Variants in CLEC4C observed in about 807,000 individuals in gnomAD.
CLEC4C encodes C-type (calcium dependent, carbohydrate-recognition domain) lectin, superfamily member 11.
A neutral mutation model predicts 27.7 loss-of-function variants in CLEC4C; 17 were observed. That is an observed-to-expected ratio of 0.61 (90% CI 0.42 to 0.92). CLEC4C has a LOEUF of 0.92. Ranked by LOEUF, CLEC4C falls within the 40% of genes least tolerant of loss-of-function variation. CLEC4C has a pLI of 0.00. For missense variants in CLEC4C, 244 were observed against 257.3 expected (o/e 0.95, Z 0.35); for synonymous variants, 80 against 80.8 (o/e 0.99, Z 0.06).
intron 4 of CLEC4C, among the ~76,000 whole-genome samples, chr12:7,736,849 G>C (rs1227039172): frequency 2.0e-5 from 3 of 152,034 alleles, no homozygotes; most frequent in African/African-American, 7.2e-5. Flanking sequence ...CTTGCAGTGA[G>C]CTGAGATTGT....
rs956662349 is a variant in CLEC4C, at chr12:7,740,985, C to T, written c.235+436G>A. ...CCTCCCGAGTAGCTGGGACTACAGG[C>T]GCCTGCCACTGCACCCAGCTAATTT... On this transcript the variant is annotated intron_variant, in intron 3 of 5. Transcript: ENST00000360345. Among the ~76,000 whole-genome samples the T allele has an allele frequency of 4.0e-5, 6 of 151,644 alleles. 1 individual carries two copies. The highest frequency in any genetic ancestry group is 2.1e-4 in the South Asian group (1 of 4,802).
chr12:7,734,936 C>A (rs1400609587), intron 4 of CLEC4C, among the ~76,000 whole-genome samples: 1 of 152,080 alleles, frequency 6.6e-6, no homozygotes, highest in Non-Finnish European at 1.5e-5. Flanking sequence ...CATGGTGTCT[C>A]AGGCCTATAA....
intron 3 of CLEC4C, among the ~76,000 whole-genome samples, chr12:7,738,841 A>C (rs1864786986): frequency 6.6e-6 from 1 of 152,020 alleles, no homozygotes; most frequent in South Asian, 2.1e-4. Flanking sequence ...TTATACTTTA[A>C]GTTCTAGGGT....
chr12:7,737,000 GCAGGTGGATCATTTGAGGT>G (rs1212782801), intron 4 of CLEC4C, among the ~76,000 whole-genome samples: 4 of 152,280 alleles, frequency 2.6e-5, no homozygotes, highest in African/African-American at 9.6e-5. Flanking sequence ...AGAGGCCGAG[GCAGGTGGATCATTTGAGGT>G]CAGTAGTTCA....
In CLEC4C at chr12:7,730,875, T is replaced by G. The variant is rs1864581463; in HGVS notation, c.419A>C (p.Tyr140Ser). ...IIQNLKRNSS[Y>S]FLGLSDPGGR... is the part of the protein sequence containing the mutation. ...CCCTGGATCTGACAGCCCCAGAAAA[T>G]AAGAAGAATTTCTTTTCAGATTCTG... The change falls in exon 5 of 6, where the codon TAT (tyrosine) becomes TCT (serine). Residue 140 changes from tyrosine to serine, a missense_variant. Transcript: ENST00000360345. The G allele has an allele frequency of 1.9e-6, 3 of 1,607,454 alleles. No individual in the cohort carries two copies. The highest frequency in any genetic ancestry group is 2.2e-5 in the East Asian group (1 of 44,778).
At chr12:7,730,191 G>A (rs765683648) in intron 5 of CLEC4C, among the ~76,000 whole-genome samples, 1 of 152,058 alleles carries the variant, frequency 6.6e-6, no homozygotes, top group Non-Finnish European at 1.5e-5. Flanking sequence ...CTGCTACTTA[G>A]TCTCTGTTAT....
chr12:7,738,358 T>G (rs968780649), intron 3 of CLEC4C, among the ~76,000 whole-genome samples: 13 of 152,300 alleles, frequency 8.5e-5, no homozygotes, highest in Non-Finnish European at 1.0e-4. Flanking sequence ...CTGAAAAATA[T>G]CCATCTCTCC....
At chr12:7,732,123 G>A (rs746245974) in intron 4 of CLEC4C, among the ~76,000 whole-genome samples, 1 of 149,802 alleles carries the variant, frequency 6.7e-6, no homozygotes, top group Non-Finnish European at 1.5e-5. Context: ...TCTGCCTCCC[G>A]GGTTCAAGTG....
chr12:7,744,036 C>T (rs1864919692), intron 2 of CLEC4C, among the ~76,000 whole-genome samples: 1 of 152,106 alleles, frequency 6.6e-6, no homozygotes, highest in Non-Finnish European at 1.5e-5. Context: ...TGATCTCACC[C>T]CAACTCAGAG....
At chr12:7,732,593 C>T (rs1450423642) in intron 4 of CLEC4C, among the ~76,000 whole-genome samples, 1 of 147,502 alleles carries the variant, frequency 6.8e-6, no homozygotes, top group Non-Finnish European at 1.5e-5. Context: ...ACCTTGTGAT[C>T]CACCCTCCTC....
chr12:7,738,647 C>T (rs1472469090), intron 3 of CLEC4C, among the ~76,000 whole-genome samples: 1 of 152,070 alleles, frequency 6.6e-6, no homozygotes, highest in African/African-American at 2.4e-5. Flanking sequence ...CACAGGGGCA[C>T]GCCACCACAC....
Position 7,730,787 on chromosome 12 carries a change from C to T in CLEC4C, c.497+10G>A, listed in dbSNP as rs777427841. The T allele has an allele frequency of 1.4e-6, 2 of 1,468,298 alleles. No homozygotes were observed. Among genetic ancestry groups the T allele is most frequent in the East Asian group, 2.3e-5 (1 of 44,094 alleles). The allele number at this position is 1,468,298 out of a possible 1,614,324, so 91.0% of individuals were successfully genotyped here. ...AGGACCCAGTGTCCTTTACCTCATT[C>T]TATACTCACGTGACATTTTCATTGT... On this transcript the variant is annotated intron_variant, in intron 5 of 5. Transcript: ENST00000360345.
intron 1 of CLEC4C, among the ~76,000 whole-genome samples, 186 bp downstream of exon 1, chr12:7,747,130 CTT>C (rs982085967): frequency 6.6e-6 from 1 of 152,154 alleles, no homozygotes; most frequent in African/African-American, 2.4e-5. Flanking sequence ...CCCGGCCTTT[CTT>C]TTTTTCTTTC....
Position 7,729,547 on chromosome 12 carries a change from T to A in CLEC4C, c.*49A>T. The A allele has an allele frequency of 4.5e-6, 7 of 1,572,994 alleles. No individual in the cohort carries two copies. The highest frequency in any genetic ancestry group is 6.1e-6 in the Non-Finnish European group (7 of 1,152,864). ...AAATTAAAAAATCAATTTAGCTTTCTACAACGGTGGATGCCAACCCAAACA... is the reference window on the plus strand; with the variant it reads ...AAATTAAAAAATCAATTTAGCTTTCAACAACGGTGGATGCCAACCCAAACA... On this transcript the variant is annotated 3_prime_UTR_variant, in exon 6 of 6. Coordinates refer to ENST00000360345, the MANE Select transcript of CLEC4C (RefSeq NM_001371390.1).
intron 1 of CLEC4C, 99 bp from the exon 2 acceptor site, chr12:7,746,522 T>C: frequency 1.4e-6 from 1 of 695,442 alleles, no homozygotes; most frequent in Non-Finnish European, 2.5e-6. Flanking sequence ...AGTCAGGCTA[T>C]GATCAAAACT....
chr12:7,746,858 C>T (rs1391478673), intron 1 of CLEC4C, among the ~76,000 whole-genome samples: 3 of 151,890 alleles, frequency 2.0e-5, no homozygotes. Flanking sequence ...GAGTTTCACT[C>T]CTGTTGCCCA....
chr12:7,747,180 T>C (rs1274384099), intron 1 of CLEC4C, 138 bp downstream of exon 1: 1 of 822,836 alleles, frequency 1.2e-6, no homozygotes, highest in African/African-American at 1.7e-5. Flanking sequence ...TCCATACCTG[T>C]TTCCATACTG....
At chr12:7,745,383 T>A (rs1039714769) in intron 2 of CLEC4C, among the ~76,000 whole-genome samples, 2 of 139,906 alleles carry the variant, frequency 1.4e-5, no homozygotes, top group Non-Finnish European at 3.1e-5. Flanking sequence ...TCCAGAACCA[T>A]CAGAAAATAA....
intron 5 of CLEC4C, 158 bp downstream of exon 5, chr12:7,730,639 T>TAA (rs80129912): frequency 4.9e-3 from 1,394 of 285,550 alleles, no homozygotes; most frequent in South Asian, 0.012. Flanking sequence ...GACTCTTGTC[T>TAA]AAAAAAAAAA....
Sources: allele counts gnomAD v4.1 joint callset (sites outside exome capture counted in the v4.1 genomes callset), GRCh38; gene constraint gnomAD v4.1.1; transcripts MANE v1.5; gene names NCBI Gene and HGNC (gene_info 2026-07-23, HGNC 2026-07-21).